CARMIL1: variants seen among roughly 807,000 people sequenced by gnomAD.
CARMIL1 encodes F-actin-uncapping protein LRRC16A.
Under a neutral mutation model 177.1 loss-of-function variants are expected in CARMIL1, and 90 were observed. That is an observed-to-expected ratio of 0.51 (90% CI 0.43 to 0.61). The LOEUF (loss-of-function observed/expected upper bound fraction) is 0.61, where lower values mean the gene tolerates loss of function less well. CARMIL1 is among the 20% of genes least tolerant of loss of function. The probability of loss-of-function intolerance (pLI) is 0.00; values close to 1 mark genes in which losing one functional copy is unlikely to be tolerated. For missense variants in CARMIL1, 1,380 were observed against 1,667.0 expected (o/e 0.83, Z 3.00); for synonymous variants, 577 against 606.2 (o/e 0.95, Z 0.71).
intron 2 of CARMIL1, among the ~76,000 whole-genome samples, chr6:25,394,137 G>A (rs1418898578): frequency 6.6e-6 from 1 of 152,090 alleles, no homozygotes; most frequent in Non-Finnish European, 1.5e-5. Context: ...TCTGTCATTA[G>A]CCAGTGTTTA....
chr6:25,616,906 C>T (rs962344385), intron 36 of CARMIL1, among the ~76,000 whole-genome samples: 6 of 152,150 alleles, frequency 3.9e-5, no homozygotes, highest in Admixed American at 2.0e-4. Flanking sequence ...TCCTTGATCT[C>T]GCTATGCCTT....
intron 31 of CARMIL1, among the ~76,000 whole-genome samples, chr6:25,592,411 C>A (rs1814410114): frequency 6.6e-6 from 1 of 152,194 alleles, no homozygotes; most frequent in African/African-American, 2.4e-5. Context: ...ACTACTTTAT[C>A]TTTTGTAATC....
intron 9 of CARMIL1, among the ~76,000 whole-genome samples, chr6:25,468,933 T>C (rs1441119107): frequency 1.3e-5 from 2 of 152,230 alleles, no homozygotes; most frequent in Non-Finnish European, 2.9e-5. Flanking sequence ...TCCCAAGAAT[T>C]ATTTCTGGTT....
chr6:25,363,702 T>A (rs1789467511), intron 2 of CARMIL1, among the ~76,000 whole-genome samples: 1 of 152,202 alleles, frequency 6.6e-6, no homozygotes, highest in South Asian at 2.1e-4. Flanking sequence ...ATTTCCAACA[T>A]GCCAGACATT....
intron 19 of CARMIL1, 44 bp downstream of exon 19, chr6:25,510,650 C>T (rs573156826): frequency 2.0e-6 from 3 of 1,494,474 alleles, no homozygotes; most frequent in Non-Finnish European, 2.7e-6. Context: ...TGAAAATAAC[C>T]AGCCTCCTGA....
intron 29 of CARMIL1, among the ~76,000 whole-genome samples, chr6:25,578,043 ATAAGT>A (rs1245151542): frequency 6.6e-6 from 1 of 152,174 alleles, no homozygotes; most frequent in Non-Finnish European, 1.5e-5. Context: ...ATTTTTTAAG[ATAAGT>A]TAATTTTGTC....
rs184077266 is a variant in CARMIL1, at chr6:25,455,891, A to G, written c.614+5180A>G. 1.3e-4 allele frequency among the ~76,000 whole-genome samples: 20 copies of G among 152,282 alleles called. No homozygotes were observed. In the East Asian group the frequency reaches 3.5e-3, roughly 26 times the overall value. On this transcript the variant is annotated intron_variant, in intron 8 of 36. Coordinates refer to ENST00000329474, the MANE Select transcript of CARMIL1 (RefSeq NM_017640.6). ...GAAGCACAGAGATGGAGGAAGCAAC[A>G]TTCTGTCTGTGTGGGAACCCATCAC...
intron 2 of CARMIL1, among the ~76,000 whole-genome samples, chr6:25,301,514 GT>G (rs1170276424): frequency 1.3e-5 from 2 of 152,198 alleles, no homozygotes; most frequent in African/African-American, 4.8e-5. Context: ...GGAGCCTCAT[GT>G]TAAATCATCA....
chr6:25,573,577 GT>G (rs1220502220), intron 29 of CARMIL1, among the ~76,000 whole-genome samples: 5 of 48,874 alleles, frequency 1.0e-4, no homozygotes, highest in African/African-American at 3.4e-4. Context: ...AAAACGGAGG[GT>G]TTACCTCTAA....
At chr6:25,576,618 A>G (rs1361372197) in intron 29 of CARMIL1, among the ~76,000 whole-genome samples, 1 of 152,166 alleles carries the variant, frequency 6.6e-6, no homozygotes, top group Non-Finnish European at 1.5e-5. Flanking sequence ...TGTCCATTAT[A>G]TGCTTTGGAG....
At chr6:25,429,715 CTGTT>C (rs1374357605) in intron 4 of CARMIL1, among the ~76,000 whole-genome samples, 1 of 151,744 alleles carries the variant, frequency 6.6e-6, no homozygotes, top group South Asian at 2.1e-4. Flanking sequence ...TTTTCTCTGT[CTGTT>C]GAGATTATTG....
At chr6:25,552,536 A>G (rs759177641) in intron 27 of CARMIL1, among the ~76,000 whole-genome samples, 4 of 152,206 alleles carry the variant, frequency 2.6e-5, no homozygotes, top group Non-Finnish European at 5.9e-5. Flanking sequence ...GCATGTATGT[A>G]TACATTCATA....
intron 2 of CARMIL1, among the ~76,000 whole-genome samples, chr6:25,349,374 C>T (rs575112267): frequency 6.6e-6 from 1 of 152,322 alleles, no homozygotes; most frequent in African/African-American, 2.4e-5. Flanking sequence ...TCTTTTTCTT[C>T]TCATCAGTGT....
chr6:25,316,245 A>G (rs1784260477), intron 2 of CARMIL1, among the ~76,000 whole-genome samples: 1 of 152,142 alleles, frequency 6.6e-6, no homozygotes, highest in Non-Finnish European at 1.5e-5. Flanking sequence ...TGCCTGGCGA[A>G]GCATTGCATG....
In CARMIL1 at chr6:25,551,177, T is replaced by C; in HGVS notation, c.2504+92T>C. 9.5e-6 allele frequency: 9 copies of C among 945,346 alleles called. No individual in the cohort carries two copies. The South Asian group carries it at 1.4e-4, about 15-fold the overall frequency. The allele number at this position is 945,346 out of a possible 1,614,324, so 58.6% of individuals were successfully genotyped here. On this transcript the variant is annotated intron_variant, in intron 27 of 36. Transcript: ENST00000329474. Reference sequence around the variant, plus strand: ...AGAGGGTTATTGTTGGCTGTATCCATATATAATGTGTTTAGGCATGTTTAA... The same window carrying C: ...AGAGGGTTATTGTTGGCTGTATCCACATATAATGTGTTTAGGCATGTTTAA...
At chr6:25,585,376 G>T (rs1196507229) in intron 31 of CARMIL1, among the ~76,000 whole-genome samples, 1 of 152,122 alleles carries the variant, frequency 6.6e-6, no homozygotes, top group Non-Finnish European at 1.5e-5. Context: ...GAACCCTAAT[G>T]CCTCAAATGA....
intron 5 of CARMIL1, among the ~76,000 whole-genome samples, chr6:25,438,876 G>T (rs1432975257): frequency 6.6e-6 from 1 of 150,612 alleles, no homozygotes; most frequent in African/African-American, 2.4e-5. Context: ...GTCTGCTAAA[G>T]AGAATGGACT....
intron 1 of CARMIL1, among the ~76,000 whole-genome samples, chr6:25,281,609 A>G (rs999659229): frequency 1.3e-5 from 2 of 152,140 alleles, no homozygotes; most frequent in African/African-American, 4.8e-5. Context: ...AGTATTGCCT[A>G]TCTCTTTCAA....
rs1805271120 is a variant in CARMIL1, at chr6:25,509,652, C to T, written c.1396-4C>T. On this transcript the variant is annotated splice_region_variant and splice_polypyrimidine_tract_variant and intron_variant, in intron 17 of 36. Coordinates refer to ENST00000329474, the MANE Select transcript of CARMIL1 (RefSeq NM_017640.6). The surrounding 1 kb of genome is among the most constrained non-coding windows in gnomAD (Gnocchi z 4.1). The stretch of plus-strand genomic sequence containing the variant: ...TACTTTGTGTTTGGTTTGTGTTTCT[C>T]TAGCTGAGATCAGGAGGTGCTCAAG... 1.3e-6 allele frequency: 2 copies of T among 1,594,836 alleles called. No homozygotes were observed. The highest frequency in any genetic ancestry group is 8.6e-7 in the Non-Finnish European group (1 of 1,168,498).
Sources: allele counts gnomAD v4.1 joint callset (sites outside exome capture counted in the v4.1 genomes callset), GRCh38; gene constraint gnomAD v4.1.1; non-coding constraint Gnocchi (gnomAD v3.1); transcripts MANE v1.5; gene names NCBI Gene and HGNC (gene_info 2026-07-23, HGNC 2026-07-21).